The following PHKA1 variants were observed in gnomAD, a reference collection of about 807,000 sequenced individuals.
The protein encoded by PHKA1 is phosphorylase kinase regulatory subunit alpha 1, also known as phosphorylase b kinase regulatory subunit alpha, skeletal muscle isoform.
PHKA1 carries 60 observed loss-of-function variants against 110.2 expected under a neutral mutation model. That is an observed-to-expected ratio of 0.54 (90% CI 0.44 to 0.68). The LOEUF is 0.68. Among genes scored for constraint, PHKA1 ranks in the 30% least tolerant of loss-of-function variants. The pLI, the probability that PHKA1 is intolerant of heterozygous loss-of-function variation, is 0.00. For missense variants in PHKA1, 801 were observed against 942.5 expected, an observed-to-expected ratio of 0.85 and a Z score of 1.97; for synonymous variants, 316 against 333.6, an observed-to-expected ratio of 0.95 and a Z score of 0.58.
At position 72,653,539 on chromosome X, in the gene PHKA1, A is replaced by T; in HGVS notation, c.1042-9T>A. 1 of 1,145,954 alleles carries T rather than the reference A, an allele frequency of 8.7e-7. No homozygotes were observed. The highest frequency in any genetic ancestry group is 1.2e-6 in the Non-Finnish European group (1 of 837,732). The allele number at this position is 1,145,954 out of a possible 1,213,427, so 94.4% of individuals were successfully genotyped here. On this transcript the variant is annotated splice_polypyrimidine_tract_variant and intron_variant, in intron 10 of 31. Coordinates refer to ENST00000373542, the MANE Select transcript of PHKA1 (RefSeq NM_002637.4). ...TCTTTATATTCTTGAACCTGCAGAT[A>T]AAAGAAAGGCAGGAAAAAAAGACTT...
intron 16 of PHKA1, among the ~76,000 whole-genome samples, chrX:72,627,974 C>T (rs2053107373): frequency 9.2e-6 from 1 of 108,954 alleles, no homozygotes; most frequent in Admixed American, 9.8e-5. Context: ...CCCGCCACCA[C>T]GCCTGGCTAA....
intron 28 of PHKA1, among the ~76,000 whole-genome samples, chrX:72,599,500 T>C (rs1029332730): frequency 4.5e-5 from 5 of 111,614 alleles, no homozygotes; most frequent in Non-Finnish European, 7.5e-5. Context: ...ATCATCTAAA[T>C]AAAACAGATT....
chrX:72,593,638 G>A (rs2052553802), intron 28 of PHKA1, among the ~76,000 whole-genome samples: 1 of 112,502 alleles, frequency 8.9e-6, no homozygotes, highest in African/African-American at 3.2e-5. Flanking sequence ...ACCACACCCG[G>A]CCCAAGTCTT....
intron 16 of PHKA1, among the ~76,000 whole-genome samples, chrX:72,634,590 C>T (rs1045181142): frequency 2.8e-5 from 3 of 105,701 alleles, no homozygotes; most frequent in Admixed American, 1.0e-4. Flanking sequence ...AAAGAGGAAA[C>T]GTAAGCCAAA....
At chrX:72,683,189 G>A (rs2053930557) in intron 5 of PHKA1, among the ~76,000 whole-genome samples, 1 of 112,245 alleles carries the variant, frequency 8.9e-6, no homozygotes, top group African/African-American at 3.2e-5. Context: ...TGTAATCCTA[G>A]CACTTTGAGA....
intron 2 of PHKA1, chrX:72,712,383 C>T (rs985704594): frequency 5.1e-6 from 1 of 194,211 alleles, no homozygotes. Context: ...TACCCTCATA[C>T]AAACACCACA....
chrX:72,614,455 T>C (rs1478629026), intron 21 of PHKA1, among the ~76,000 whole-genome samples: 1 of 111,934 alleles, frequency 8.9e-6, no homozygotes, highest in Non-Finnish European at 1.9e-5. Flanking sequence ...CAGTGGAAGA[T>C]TATTTTTACT....
chrX:72,616,414 C>T, intron 21 of PHKA1, among the ~76,000 whole-genome samples: 1 of 111,628 alleles, frequency 9.0e-6, no homozygotes, highest in Non-Finnish European at 1.9e-5. Context: ...TAGAAGGTCA[C>T]CATATAATGA....
chrX:72,581,174 T>A lies in PHKA1; in HGVS notation c.3500A>T (p.Lys1167Ile). 1 of 1,174,972 alleles carries A rather than the reference T, an allele frequency of 8.5e-7. No homozygotes were observed. Among genetic ancestry groups the A allele is most frequent in the Non-Finnish European group, 1.2e-6 (1 of 862,386 alleles). The change falls in exon 32 of 32, where the codon AAA becomes ATA. Residue 1167 changes from lysine (K) to isoleucine (I), a missense_variant and splice_region_variant. Lys to Ile is a moderately radical substitution (Grantham distance 102). Transcript: ENST00000373542. Reference sequence around the variant, plus strand: ...CATGGTATCATCTGCGCCAAGGGTTTTCTGTTTGGTTTTTAAGGGTAGAAG... The same window carrying A: ...CATGGTATCATCTGCGCCAAGGGTTATCTGTTTGGTTTTTAAGGGTAGAAG... Reference protein sequence around the residue: ...IANDLFLQEQKTLGADDTMLA... With the variant: ...IANDLFLQEQITLGADDTMLA...
chrX:72,652,938 G>T, intron 11 of PHKA1, among the ~76,000 whole-genome samples: 1 of 111,270 alleles, frequency 9.0e-6, no homozygotes, highest in South Asian at 3.9e-4. Context: ...ATGTTGCTGG[G>T]AGCTTATTCT....
Position 72,650,471 on chromosome X carries a change from A to G in PHKA1, c.1246-3T>C. 1 of 1,193,918 alleles carries G rather than the reference A, an allele frequency of 8.4e-7. No homozygotes were observed. The highest frequency in any genetic ancestry group is 1.8e-5 in the South Asian group (1 of 56,032). Reference sequence around the variant, plus strand: ...ATTTCTCCAGGGGCTAAAAATCCCTAAAGAAAAACCATAAAAAGACAGATT... The same window carrying G: ...ATTTCTCCAGGGGCTAAAAATCCCTGAAGAAAAACCATAAAAAGACAGATT... On this transcript the variant is annotated splice_region_variant and splice_polypyrimidine_tract_variant and intron_variant, in intron 12 of 31. Coordinates refer to ENST00000373542, the MANE Select transcript of PHKA1 (RefSeq NM_002637.4).
chrX:72,634,651 GGAA>G (rs782320072), intron 16 of PHKA1, among the ~76,000 whole-genome samples: 5 of 110,542 alleles, frequency 4.5e-5, no homozygotes, highest in Non-Finnish European at 9.5e-5. Context: ...GTTAGGCTTT[GGAA>G]GAAGCAGCCT....
At chrX:72,643,855 A>G (rs2053326935) in intron 14 of PHKA1, among the ~76,000 whole-genome samples, 1 of 111,902 alleles carries the variant, frequency 8.9e-6, no homozygotes, top group Non-Finnish European at 1.9e-5. Flanking sequence ...TTTCTTTTAG[A>G]TAACAATATA....
intron 21 of PHKA1, among the ~76,000 whole-genome samples, chrX:72,613,863 A>T (rs1392316628): frequency 8.9e-6 from 1 of 111,929 alleles, no homozygotes; most frequent in Non-Finnish European, 1.9e-5. Flanking sequence ...TTTAATCATG[A>T]CAAAACAACA....
intron 18 of PHKA1, among the ~76,000 whole-genome samples, chrX:72,621,435 T>C (rs2052978270): frequency 3.6e-5 from 4 of 111,931 alleles, no homozygotes; most frequent in Admixed American, 1.9e-4. Context: ...ATGGTCCCTA[T>C]CTTCTTGGGC....
chrX:72,668,910 AAGAC>A (rs782205057), intron 6 of PHKA1, among the ~76,000 whole-genome samples: 2 of 112,717 alleles, frequency 1.8e-5, no homozygotes, highest in East Asian at 2.8e-4. Flanking sequence ...GTACAGGCAT[AAGAC>A]AGACAGAGAT....
At chrX:72,696,229 G>A (rs2054108671) in intron 3 of PHKA1, among the ~76,000 whole-genome samples, 1 of 112,020 alleles carries the variant, frequency 8.9e-6, no homozygotes, top group African/African-American at 3.2e-5. Context: ...CTTAGTAAGA[G>A]GTAACTGAAT....
intron 8 of PHKA1, chrX:72,660,693 C>T (rs2053549104): frequency 3.1e-6 from 1 of 321,530 alleles, no homozygotes; most frequent in Admixed American, 3.3e-5. Context: ...AATAAATTGG[C>T]AGAAGAATGC....
At chrX:72,584,136 T>C (rs1006372217) in intron 30 of PHKA1, 113 bp downstream of exon 30, 3 of 628,428 alleles carry the variant, frequency 4.8e-6, no homozygotes, top group Non-Finnish European at 7.8e-6. Flanking sequence ...GCATTTCATG[T>C]TCAGTTGATT....
Sources: gnomAD v4.1 joint callset for allele counts (sites outside exome capture counted in the v4.1 genomes callset) on GRCh38, gnomAD v4.1.1 for gene constraint, MANE v1.5 for transcripts, NCBI Gene and HGNC (gene_info 2026-07-23, HGNC 2026-07-21) for gene names.